AGO4: variants seen among roughly 807,000 people sequenced by gnomAD.
AGO4 encodes argonaute RISC component 4.
AGO4 carries 33 observed loss-of-function variants against 104.7 expected under a neutral mutation model. The observed-to-expected ratio is 0.32, with a 90% confidence interval of 0.24 to 0.42. AGO4 has a LOEUF of 0.42. Ranked by LOEUF, AGO4 falls within the 10% of genes least tolerant of loss-of-function variation. The probability of loss-of-function intolerance (pLI) is 1.00; values close to 1 mark genes in which losing one functional copy is unlikely to be tolerated. For synonymous variants in AGO4, 331 were observed against 364.7 expected, an observed-to-expected ratio of 0.91 and a Z score of 1.05; for missense variants, 711 against 1,083.4, an observed-to-expected ratio of 0.66 and a Z score of 4.83.
At chr1:35,831,397 AT>A in intron 7 of AGO4, 29 bp from the exon 8 acceptor site, 1 of 1,561,632 alleles carries the variant, frequency 6.4e-7, no homozygotes, top group Non-Finnish European at 8.6e-7. Context: ...ACTTGAAGAA[AT>A]ATTCTAAAAA....
intron 15 of AGO4, among the ~76,000 whole-genome samples, chr1:35,844,939 T>G (rs1644531542): frequency 6.6e-6 from 1 of 152,204 alleles, no homozygotes; most frequent in African/African-American, 2.4e-5. Context: ...GTAGCCTAAC[T>G]TCAATTTCAG....
intron 1 of AGO4, among the ~76,000 whole-genome samples, chr1:35,812,839 G>A (rs553841150): frequency 1.3e-5 from 2 of 152,030 alleles, no homozygotes; most frequent in East Asian, 3.9e-4. Flanking sequence ...TGATCTGCCC[G>A]CTTCAGCCTT....
At chr1:35,833,386 A>G (rs1475039688) in intron 11 of AGO4, among the ~76,000 whole-genome samples, 3 of 152,238 alleles carry the variant, frequency 2.0e-5, no homozygotes, top group African/African-American at 7.2e-5. Context: ...CAAATGCACC[A>G]AAGGAATTCT....
At chr1:35,853,248 CAAA>C (rs767922952) in intron 17 of AGO4, among the ~76,000 whole-genome samples, 4 of 64,934 alleles carry the variant, frequency 6.2e-5, no homozygotes, top group Non-Finnish European at 9.6e-5. Context: ...GACTCTGTCT[CAAA>C]AAAAAAAAAA....
intron 17 of AGO4, among the ~76,000 whole-genome samples, chr1:35,852,569 TG>T (rs1362698322): frequency 6.6e-6 from 1 of 152,218 alleles, no homozygotes; most frequent in African/African-American, 2.4e-5. Flanking sequence ...GGTACGTAGA[TG>T]CATTCATTCA....
In AGO4 at chr1:35,841,314, C is replaced by T. The variant is rs1217453621; in HGVS notation, c.1874C>T (p.Thr625Ile). ...SRYCATVRVQTSRQEISQELL... is the reference protein window; with the variant it reads ...SRYCATVRVQISRQEISQELL... The stretch of plus-strand genomic sequence containing the variant: ...TACTGTGCCACCGTTCGGGTGCAGA[C>T]TTCCCGGCAGGAGATCTCCCAAGAG... Residue 625 changes from threonine (T) to isoleucine (I), a missense_variant, in exon 14 of 18, where the codon ACT becomes ATT. Around this residue, in one of 3 missense-constraint regions of AGO4, gnomAD observed 401 missense variants for 665.5 expected, o/e 0.60. Coordinates refer to ENST00000373210, the MANE Select transcript of AGO4 (RefSeq NM_017629.4). The surrounding 1 kb of genome is among the most constrained non-coding windows in gnomAD (Gnocchi z 4.7). The T allele has an allele frequency of 6.2e-7, 1 of 1,614,192 alleles. No homozygotes were observed.
intron 7 of AGO4, among the ~76,000 whole-genome samples, chr1:35,830,754 T>G (rs1644161496): frequency 6.6e-6 from 1 of 151,934 alleles, no homozygotes; most frequent in Non-Finnish European, 1.5e-5. Flanking sequence ...GGCAGGTGGA[T>G]CACCTGAAGT....
At chr1:35,852,280 A>G (rs1472802511) in intron 17 of AGO4, among the ~76,000 whole-genome samples, 1 of 152,228 alleles carries the variant, frequency 6.6e-6, no homozygotes, top group African/African-American at 2.4e-5. Flanking sequence ...GAGAGGGTGA[A>G]GTAAAAGATG....
chr1:35,811,068 G>A (rs1172903126), intron 1 of AGO4, among the ~76,000 whole-genome samples: 1 of 151,958 alleles, frequency 6.6e-6, no homozygotes. Flanking sequence ...TGGGAGGATG[G>A]CTTGAGCCTG....
At chr1:35,811,531 G>T (rs1264583946) in intron 1 of AGO4, among the ~76,000 whole-genome samples, 1 of 151,548 alleles carries the variant, frequency 6.6e-6, no homozygotes, top group Non-Finnish European at 1.5e-5. Context: ...TGATTATAAC[G>T]TTTACAAATG....
intron 10 of AGO4, 110 bp from the exon 11 acceptor site, chr1:35,832,327 A>G: frequency 6.7e-7 from 1 of 1,502,146 alleles, no homozygotes; most frequent in Non-Finnish European, 8.9e-7. Flanking sequence ...CATACCTAAT[A>G]GAATTTTGTT....
chr1:35,827,354 T>C (rs1362398692), intron 7 of AGO4, among the ~76,000 whole-genome samples: 1 of 152,114 alleles, frequency 6.6e-6, no homozygotes, highest in African/African-American at 2.4e-5. Context: ...ACCCCGTCTC[T>C]ACTAAAAACT....
intron 2 of AGO4, 133 bp from the exon 3 acceptor site, chr1:35,822,729 A>C (rs1207167951): frequency 8.9e-7 from 1 of 1,124,522 alleles, no homozygotes; most frequent in Non-Finnish European, 1.3e-6. Context: ...AAGTACTCGA[A>C]TCAATTGTAA....
intron 11 of AGO4, among the ~76,000 whole-genome samples, chr1:35,832,943 G>A (rs1486799171): frequency 6.6e-6 from 1 of 152,130 alleles, no homozygotes; most frequent in Non-Finnish European, 1.5e-5. Context: ...CAAGGTCTCT[G>A]GGTAAAAGTA....
chr1:35,831,440 C>T lies in AGO4; in HGVS notation c.862C>T (p.Leu288=), dbSNP rs747579196. Residue 288 remains leucine, a synonymous_variant, in exon 8 of 18, where the codon CTA becomes TTA. Coordinates refer to ENST00000373210, the MANE Select transcript of AGO4 (RefSeq NM_017629.4). Reference sequence around the variant, plus strand: ...TCTCTCCTATAGTTTTCCTTTGCAGCTAGAAAACGGTCAAGCTATGGAATG... The same window carrying T: ...TCTCTCCTATAGTTTTCCTTTGCAGTTAGAAAACGGTCAAGCTATGGAATG... The part of the protein sequence containing the change: ...PASHQTFPLQ[L]ENGQAMECTV... 1.9e-6 allele frequency: 3 copies of T among 1,606,050 alleles called. No individual in the cohort carries two copies. The highest frequency in any genetic ancestry group is 3.5e-5 in the Admixed American group (2 of 57,660).
At chr1:35,816,818 A>G (rs11810620) in intron 1 of AGO4, 64 bp from the exon 2 acceptor site, 45,343 of 1,398,960 alleles carry the variant, frequency 0.032, 547 homozygotes, top group African/African-American at 0.1. Context: ...AAAAAAAAAA[A>G]AAAGAAAGAA....
Position 35,851,001 on chromosome 1 carries a change from C to T in AGO4, c.2425C>T (p.Arg809Trp), listed in dbSNP as rs762665933. 5 of 1,613,692 alleles carry T rather than the reference C, an allele frequency of 3.1e-6. No individual in the cohort carries two copies. The highest frequency in any genetic ancestry group is 3.4e-6 in the Non-Finnish European group (4 of 1,179,942). ...TATTCCAGCCCCTGCATATTATGCCCGGCTTGTAGCATTTAGGGCAAGGTA... is the reference window on the plus strand; with the variant it reads ...TATTCCAGCCCCTGCATATTATGCCTGGCTTGTAGCATTTAGGGCAAGGTA... ...VSIPAPAYYA[R>W]LVAFRARYHL... Residue 809 changes from arginine (R) to tryptophan (W), a missense_variant, in exon 17 of 18, where the codon CGG (arginine) becomes TGG (tryptophan). Transcript: ENST00000373210.
rs150286175 is a variant in AGO4, at chr1:35,811,290, G to A, written c.19+2855G>A. On this transcript the variant is annotated intron_variant, in intron 1 of 17. Coordinates refer to ENST00000373210, the MANE Select transcript of AGO4 (RefSeq NM_017629.4). ...GGAGTTCAAGACCAGCCTGGCCAAC[G>A]TAGTGAAACCCGTCTCTACTAAAAA... Among the ~76,000 whole-genome samples the A allele has an allele frequency of 4.2e-3, 637 of 151,806 alleles. 3 individuals are homozygous for A. Among genetic ancestry groups the A allele is most frequent in the African/African-American group, 0.015 (613 of 41,386 alleles).
Position 35,831,505 on chromosome 1 carries a change from A to G in AGO4, c.927A>G (p.Gln309=), listed in dbSNP as rs765920452. Residue 309 remains glutamine, a synonymous_variant, in exon 8 of 18, where the codon CAA becomes CAG. Transcript: ENST00000373210. ...AQYFKQKYSL[Q]LKYPHLPCLQ... ...ATTTTAAGCAAAAGTATAGTCTGCA[A>G]CTGAAATACCCCCATCTTCCCTGTC... 1 of 1,614,180 alleles carries G rather than the reference A, an allele frequency of 6.2e-7. No individual in the cohort carries two copies. Among genetic ancestry groups the G allele is most frequent in the Non-Finnish European group, 8.5e-7 (1 of 1,180,026 alleles).
Sources: allele counts gnomAD v4.1 joint callset (sites outside exome capture counted in the v4.1 genomes callset), GRCh38; gene constraint gnomAD v4.1.1; regional missense constraint gnomAD v4.1.1; non-coding constraint Gnocchi (gnomAD v3.1); transcripts MANE v1.5; gene names NCBI Gene and HGNC (gene_info 2026-07-23, HGNC 2026-07-21).